TMEM232: variants seen among roughly 807,000 people sequenced by gnomAD.
TMEM232 encodes the protein transmembrane protein 232.
TMEM232 carries 80 observed loss-of-function variants against 78.8 expected under a neutral mutation model. The observed-to-expected ratio is 1.01, with a 90% confidence interval of 0.85 to 1.22. The LOEUF (loss-of-function observed/expected upper bound fraction) is 1.22. TMEM232 is among the 50% of genes most tolerant of loss of function. TMEM232 has a pLI of 0.00. For synonymous variants in TMEM232, 297 were observed against 254.3 expected (o/e 1.17, Z -1.60); for missense variants, 881 against 742.2 (o/e 1.19, Z -2.17).
intron 2 of TMEM232, among the ~76,000 whole-genome samples, chr5:110,407,793 C>G (rs1454935162): frequency 2.0e-5 from 3 of 151,980 alleles, no homozygotes; most frequent in Non-Finnish European, 4.4e-5. Context: ...CAAGCCTGTA[C>G]AAATTTTTTT....
chr5:110,738,860 C>G (rs1580848605), upstream of TMEM232: 6 of 751,700 alleles, frequency 8.0e-6, no homozygotes, highest in East Asian at 1.7e-4. Context: ...CAACCATATT[C>G]CCACCTATTC....
intron 1 of TMEM232, among the ~76,000 whole-genome samples, chr5:110,711,855 C>T (rs1018598591): frequency 6.6e-6 from 1 of 151,900 alleles, no homozygotes; most frequent in Non-Finnish European, 1.5e-5. Flanking sequence ...GCCTGTAATC[C>T]CAGCACTTTG....
chr5:110,664,777 C>T (rs951665689), intron 2 of TMEM232, among the ~76,000 whole-genome samples: 1 of 152,198 alleles, frequency 6.6e-6, no homozygotes, highest in African/African-American at 2.4e-5. Context: ...AGCTCTTCCA[C>T]TTCTTGTAAG....
At position 110,532,672 on chromosome 5, in the gene TMEM232, A is replaced by G. The variant is rs558092643; in HGVS notation, c.1456-3837T>C. 2.0e-4 allele frequency among the ~76,000 whole-genome samples: 31 copies of G among 151,792 alleles called. No individual in the cohort carries two copies. In the East Asian group the frequency reaches 2.1e-3, roughly 10 times the overall value. Reference sequence around the variant, plus strand: ...TGGACTACAGCTATATCTCATTGCTACCCTTCCCAATCCAAAGCCTCCTTT... The same window carrying G: ...TGGACTACAGCTATATCTCATTGCTGCCCTTCCCAATCCAAAGCCTCCTTT... On this transcript the variant is annotated intron_variant, in intron 11 of 13. Transcript: ENST00000455884.
intron 12 of TMEM232, among the ~76,000 whole-genome samples, chr5:110,519,501 G>T (rs1295388452): frequency 1.3e-5 from 2 of 152,050 alleles, no homozygotes; most frequent in African/African-American, 4.8e-5. Context: ...GGAGAAAGGG[G>T]AACACTTGTG....
intron 12 of TMEM232, among the ~76,000 whole-genome samples, chr5:110,525,775 T>C (rs1770492563): frequency 6.6e-6 from 1 of 150,888 alleles, no homozygotes; most frequent in Admixed American, 6.6e-5. Flanking sequence ...TACATAAATA[T>C]ATAAGAAAAT....
intron 1 of TMEM232, among the ~76,000 whole-genome samples, chr5:110,691,550 T>TA (rs573764363): frequency 5.3e-4 from 81 of 152,338 alleles, no homozygotes; most frequent in African/African-American, 1.9e-3. Context: ...GGCTTCAGGT[T>TA]AGCCATATGC....
At chr5:110,622,756 G>A (rs1013674121) in intron 7 of TMEM232, among the ~76,000 whole-genome samples, 6 of 151,488 alleles carry the variant, frequency 4.0e-5, no homozygotes, top group African/African-American at 1.5e-4. Flanking sequence ...AGATCCCTGA[G>A]GAATTGCCAC....
intron 12 of TMEM232, among the ~76,000 whole-genome samples, chr5:110,492,864 C>G (rs1457192570): frequency 1.3e-5 from 2 of 151,830 alleles, no homozygotes; most frequent in Non-Finnish European, 2.9e-5. Flanking sequence ...ATTTTTGAAG[C>G]CACATTTACT....
At chr5:110,454,381 G>C (rs1407741268) in intron 12 of TMEM232, among the ~76,000 whole-genome samples, 1 of 152,102 alleles carries the variant, frequency 6.6e-6, no homozygotes, top group African/African-American at 2.4e-5. Context: ...CTACTGATGA[G>C]GCTGAGGCAG....
chr5:110,600,337 C>CA (rs1368223174), intron 10 of TMEM232, among the ~76,000 whole-genome samples: 1 of 151,948 alleles, frequency 6.6e-6, no homozygotes, highest in African/African-American at 2.4e-5. Context: ...GAGACAGAGA[C>CA]ACAAAAAGTC....
intron 12 of TMEM232, among the ~76,000 whole-genome samples, chr5:110,458,496 T>C (rs1263126896): frequency 6.6e-6 from 1 of 152,192 alleles, no homozygotes; most frequent in African/African-American, 2.4e-5. Context: ...GCATGAATAG[T>C]AGCTGTCTAG....
At chr5:110,492,377 G>C (rs1008931846) in intron 12 of TMEM232, among the ~76,000 whole-genome samples, 1 of 151,826 alleles carries the variant, frequency 6.6e-6, no homozygotes, top group Admixed American at 6.6e-5. Context: ...CCAATTTGGA[G>C]TTTTACCAGG....
chr5:110,734,583 T>C (rs1340204467), intron 2 of TMEM232, among the ~76,000 whole-genome samples: 1 of 152,204 alleles, frequency 6.6e-6, no homozygotes, highest in African/African-American at 2.4e-5. Context: ...CTATAGCCTA[T>C]CAAGTAGAAA....
intron 10 of TMEM232, among the ~76,000 whole-genome samples, chr5:110,581,728 C>A (rs1778228266): frequency 6.6e-6 from 1 of 151,398 alleles, no homozygotes; most frequent in African/African-American, 2.4e-5. Flanking sequence ...AACAGACAAC[C>A]TACAAAATGA....
rs1475974548 is a variant in TMEM232, at chr5:110,638,420, A to T, written c.344-65T>A. ...TCATCCTGTTTTTCCACATGCTATA[A>T]TTACTTTTTGTAATTATTTCCTGTC... On this transcript the variant is annotated intron_variant, in intron 4 of 13. Coordinates refer to ENST00000455884, the MANE Select transcript of TMEM232 (RefSeq NM_001039763.4). 5 of 1,411,026 alleles carry T rather than the reference A, an allele frequency of 3.5e-6. No homozygotes were observed. In the Admixed American group the frequency reaches 1.4e-4, roughly 39 times the overall value. 87.4% of individuals were successfully genotyped at this position (1,411,026 alleles called of 1,614,324 possible). A position where few individuals can be genotyped will look rare whatever the true frequency, so the allele number is the denominator to read the frequency against.
At chr5:110,695,514 G>A (rs1794661691) in intron 1 of TMEM232, among the ~76,000 whole-genome samples, 1 of 152,094 alleles carries the variant, frequency 6.6e-6, no homozygotes, top group South Asian at 2.1e-4. Flanking sequence ...GAATCCAGGA[G>A]CTGGTTTTTT....
intron 1 of TMEM232, among the ~76,000 whole-genome samples, chr5:110,679,289 A>G (rs1457061573): frequency 6.6e-6 from 1 of 152,192 alleles, no homozygotes; most frequent in African/African-American, 2.4e-5. Context: ...GATATAGAGT[A>G]TCTTTTCACA....
intron 1 of TMEM232, among the ~76,000 whole-genome samples, chr5:110,707,165 A>G (rs1474314804): frequency 1.3e-5 from 2 of 152,158 alleles, no homozygotes; most frequent in Admixed American, 6.5e-5. Flanking sequence ...GTGCACACAG[A>G]AAAGCACTAT....
Sources: allele counts gnomAD v4.1 joint callset (sites outside exome capture counted in the v4.1 genomes callset), GRCh38; gene constraint gnomAD v4.1.1; transcripts MANE v1.5; gene names NCBI Gene and HGNC (gene_info 2026-07-23, HGNC 2026-07-21).